WDFY4: variants seen among roughly 807,000 people sequenced by gnomAD.
The protein encoded by WDFY4 is WDFY family member 4.
Under a neutral mutation model 351.9 loss-of-function variants are expected in WDFY4, and 169 were observed. The observed-to-expected ratio is 0.48, with a 90% CI of 0.42 to 0.55. The LOEUF (loss-of-function observed/expected upper bound fraction) is 0.55, where lower values mean the gene tolerates loss of function less well. Ranked by LOEUF, WDFY4 falls within the 20% of genes least tolerant of loss-of-function variation. WDFY4 has a pLI of 0.00. For missense variants in WDFY4, 3,803 were observed against 3,935.6 expected, an observed-to-expected ratio of 0.97 and a Z score of 0.90; for synonymous variants, 1,622 against 1,574.6, an observed-to-expected ratio of 1.03 and a Z score of -0.71.
At chr10:48,936,557 G>A (rs532783675) in intron 47 of WDFY4, among the ~76,000 whole-genome samples, 25 of 152,176 alleles carry the variant, frequency 1.6e-4, no homozygotes, top group African/African-American at 5.8e-4. Context: ...AAGCACTCAG[G>A]CCAGGTGTGG....
chr10:48,806,385 G>A (rs190748850), intron 27 of WDFY4, among the ~76,000 whole-genome samples: 1 of 152,334 alleles, frequency 6.6e-6, no homozygotes, highest in Admixed American at 6.5e-5. Flanking sequence ...CTCACTTCCT[G>A]GTTGAACCCC....
At chr10:48,686,235 C>T (rs2063042903) in intron 1 of WDFY4, among the ~76,000 whole-genome samples, 1 of 146,628 alleles carries the variant, frequency 6.8e-6, no homozygotes, top group Admixed American at 7.0e-5. Flanking sequence ...AATCTCAGCA[C>T]TTTGGGAGGC....
At chr10:48,726,866 T>C (rs1175733879) in intron 6 of WDFY4, among the ~76,000 whole-genome samples, 1 of 152,104 alleles carries the variant, frequency 6.6e-6, no homozygotes, top group Non-Finnish European at 1.5e-5. Context: ...CAGTGACCCA[T>C]CCAAATGCAA....
At chr10:48,715,939 G>C (rs1293871025) in intron 2 of WDFY4, among the ~76,000 whole-genome samples, 3 of 151,712 alleles carry the variant, frequency 2.0e-5, no homozygotes, top group African/African-American at 7.3e-5. Context: ...GTGAGCCACC[G>C]CGCCCGGCCA....
At chr10:48,687,089 T>C (rs920182373) in intron 1 of WDFY4, among the ~76,000 whole-genome samples, 7 of 152,212 alleles carry the variant, frequency 4.6e-5, no homozygotes, top group African/African-American at 1.7e-4. Context: ...TCTTAGCATG[T>C]TTTTAATTTG....
At position 48,721,466 on chromosome 10, in the gene WDFY4, G is replaced by C. The variant is rs762642675; in HGVS notation, c.456+99G>C. On this transcript the variant is annotated intron_variant, in intron 4 of 61. Coordinates refer to ENST00000325239, the MANE Select transcript of WDFY4 (RefSeq NM_001394531.1). ...GTGGCATATCCCAAGAGGGTCATTC[G>C]TTTCATAAAACAGGTTTATTATTTC... 7.3e-6 allele frequency: 8 copies of C among 1,088,900 alleles called. No homozygotes were observed. The Admixed American group carries it at 1.5e-4, about 20-fold the overall frequency. 67.5% of individuals were successfully genotyped at this position (1,088,900 alleles called of 1,614,324 possible). A position where few individuals can be genotyped will look rare whatever the true frequency, so the allele number is the denominator to read the frequency against.
intron 13 of WDFY4, among the ~76,000 whole-genome samples, chr10:48,762,780 C>T (rs2065548557): frequency 6.6e-6 from 1 of 152,216 alleles, no homozygotes. Context: ...TAGCAGGGCA[C>T]ACAGTGGCTC....
intron 53 of WDFY4, among the ~76,000 whole-genome samples, chr10:48,960,817 T>C (rs1191484432): frequency 6.6e-6 from 1 of 152,186 alleles, no homozygotes; most frequent in East Asian, 1.9e-4. Context: ...AAAGAAGCCA[T>C]AACTCAGGGC....
At chr10:48,757,098 C>A (rs531976341) in intron 12 of WDFY4, among the ~76,000 whole-genome samples, 2 of 151,954 alleles carry the variant, frequency 1.3e-5, no homozygotes, top group East Asian at 3.8e-4. Flanking sequence ...GCTACATATT[C>A]GGTTTTTGTA....
chr10:48,721,693 C>T (rs1191195256), intron 4 of WDFY4, among the ~76,000 whole-genome samples: 2 of 152,152 alleles, frequency 1.3e-5, no homozygotes, highest in African/African-American at 4.8e-5. Context: ...TGTTTATTGA[C>T]TACTTCCTAC....
intron 43 of WDFY4, chr10:48,878,045 A>G (rs1320390627): frequency 1.3e-5 from 2 of 152,284 alleles, no homozygotes; most frequent in Non-Finnish European, 2.9e-5. Context: ...ACCATCTGAT[A>G]ACATTCTGCT....
rs549230079 is a variant in WDFY4, at chr10:48,949,151, T to C, written c.7977+2182T>C. On this transcript the variant is annotated intron_variant, in intron 51 of 61. Coordinates refer to ENST00000325239, the MANE Select transcript of WDFY4 (RefSeq NM_001394531.1). ...CCCATGTTGAAGTCACTGATGTAAC[T>C]GAGTTTTGGGGCTCAGATCTGTCTT... 2.2e-4 allele frequency among the ~76,000 whole-genome samples: 33 copies of C among 152,338 alleles called. No individual in the cohort carries two copies. The South Asian group carries it at 6.6e-3, about 31-fold the overall frequency.
In WDFY4 at chr10:48,982,836, A is replaced by G; in HGVS notation, c.*261A>G. The G allele has an allele frequency of 3.7e-6, 2 of 544,856 alleles. No homozygotes were observed. Among genetic ancestry groups the G allele is most frequent in the South Asian group, 3.1e-5 (2 of 64,980 alleles). 33.8% of individuals were successfully genotyped at this position (544,856 alleles called of 1,614,324 possible). On this transcript the variant is annotated 3_prime_UTR_variant, in exon 62 of 62. Transcript: ENST00000325239. The stretch of plus-strand genomic sequence containing the variant: ...GTGACTTGGTGATGCCCAGCTGCAC[A>G]CGAAATTACACATGACTCACCTTAT...
At chr10:48,789,390 G>T (rs1322171272) in intron 21 of WDFY4, among the ~76,000 whole-genome samples, 1 of 152,188 alleles carries the variant, frequency 6.6e-6, no homozygotes, top group Non-Finnish European at 1.5e-5. Context: ...TCAGGAACTA[G>T]GTCCTGTTGA....
rs560411831 is a variant in WDFY4, at chr10:48,881,096, C to T, written c.7167+3897C>T. ...GTTTGTGGCAAAGATTGACATGGGG[C>T]TGTGTCTCTGTCTGAGACTGTGCCC... is the stretch of plus-strand genomic sequence containing the variant. On this transcript the variant is annotated intron_variant, in intron 43 of 61. Transcript: ENST00000325239. 2.6e-4 allele frequency among the ~76,000 whole-genome samples: 39 copies of T among 152,242 alleles called. 1 individual carries two copies. Among genetic ancestry groups the T allele is most frequent in the Non-Finnish European group, 5.3e-4 (36 of 68,040 alleles).
At chr10:48,809,531 A>T (rs1464876836) in intron 28 of WDFY4, among the ~76,000 whole-genome samples, 1 of 151,898 alleles carries the variant, frequency 6.6e-6, no homozygotes, top group African/African-American at 2.4e-5. Flanking sequence ...CACCACCAGC[A>T]TCACCATCAC....
intron 39 of WDFY4, among the ~76,000 whole-genome samples, chr10:48,844,766 A>T (rs915270210): frequency 6.6e-6 from 1 of 152,174 alleles, no homozygotes; most frequent in Non-Finnish European, 1.5e-5. Flanking sequence ...GATTTAAGGG[A>T]TTCCTCAAGC....
chr10:48,960,800 C>T (rs1049773583), intron 53 of WDFY4, among the ~76,000 whole-genome samples: 7 of 152,174 alleles, frequency 4.6e-5, no homozygotes, highest in African/African-American at 1.7e-4. Context: ...ATGCATTATC[C>T]TACATGAAAG....
intron 6 of WDFY4, among the ~76,000 whole-genome samples, chr10:48,726,622 G>A (rs1237687148): frequency 1.3e-5 from 2 of 152,190 alleles, no homozygotes; most frequent in African/African-American, 2.4e-5. Flanking sequence ...TCGTAGCTGA[G>A]TGATCTCAGG....
Sources: allele counts gnomAD v4.1 joint callset (sites outside exome capture counted in the v4.1 genomes callset), GRCh38; gene constraint gnomAD v4.1.1; transcripts MANE v1.5; gene names NCBI Gene and HGNC (gene_info 2026-07-23, HGNC 2026-07-21).